The following SPAG16 variants were observed in gnomAD, a reference collection of about 807,000 sequenced individuals.
SPAG16 encodes the protein sperm-associated antigen 16 protein.
SPAG16 carries 86 observed loss-of-function variants against 80.4 expected under a neutral mutation model. The ratio of observed to expected loss-of-function variants is 1.07; its 90% CI spans 0.90 to 1.28. The LOEUF (loss-of-function observed/expected upper bound fraction) is 1.28. Among genes scored for constraint, SPAG16 ranks in the 50% most tolerant of loss-of-function variants. The pLI, the probability that SPAG16 is intolerant of heterozygous loss-of-function variation, is 0.00. For missense variants in SPAG16, 870 were observed against 765.3 expected (o/e 1.14, Z -1.61); for synonymous variants, 294 against 265.9 (o/e 1.11, Z -1.03).
chr2:213,402,647 A>T (rs150773607), intron 9 of SPAG16, among the ~76,000 whole-genome samples: 1 of 149,488 alleles, frequency 6.7e-6, no homozygotes, highest in Non-Finnish European at 1.5e-5. Flanking sequence ...TCATTGTTCA[A>T]TTCCCACTTA....
At chr2:213,714,777 T>A (rs1165965248) in intron 10 of SPAG16, among the ~76,000 whole-genome samples, 1 of 152,198 alleles carries the variant, frequency 6.6e-6, no homozygotes, top group Admixed American at 6.5e-5. Context: ...CCAATTTTAT[T>A]GGGATTTAAA....
At chr2:213,325,012 C>G (rs542637207) in intron 5 of SPAG16, among the ~76,000 whole-genome samples, 1 of 151,662 alleles carries the variant, frequency 6.6e-6, no homozygotes, top group Non-Finnish European at 1.5e-5. Context: ...ATTTTTTTTG[C>G]TTTTTGACCA....
At chr2:213,565,658 G>A (rs75728835) in intron 10 of SPAG16, among the ~76,000 whole-genome samples, 9,941 of 152,186 alleles carry the variant, frequency 0.065, 1,071 homozygotes, top group African/African-American at 0.22. Flanking sequence ...GTCAGGAAGC[G>A]AAACTTAGAA....
chr2:213,411,502 A>T (rs1049099159), intron 9 of SPAG16, among the ~76,000 whole-genome samples: 2 of 152,240 alleles, frequency 1.3e-5, no homozygotes, highest in African/African-American at 4.8e-5. Flanking sequence ...ACATGATATT[A>T]GCAGAAAGAG....
chr2:213,731,460 GT>G (rs986357991), intron 10 of SPAG16, among the ~76,000 whole-genome samples: 33 of 24,516 alleles, frequency 1.3e-3, no homozygotes, highest in African/African-American at 1.7e-3. Context: ...ATGTCCAGCT[GT>G]TTTTTTTTTT....
intron 13 of SPAG16, among the ~76,000 whole-genome samples, chr2:214,023,141 G>T (rs1297341273): frequency 3.3e-5 from 5 of 151,732 alleles, no homozygotes; most frequent in Non-Finnish European, 7.4e-5. Flanking sequence ...GGGTATCTCT[G>T]TAGCTTGCAG....
chr2:214,019,731 T>C (rs558181672), intron 13 of SPAG16, among the ~76,000 whole-genome samples: 1 of 152,246 alleles, frequency 6.6e-6, no homozygotes, highest in Non-Finnish European at 1.5e-5. Context: ...GAATCCAGAA[T>C]GTGGAAACAA....
chr2:213,313,442 A>G (rs925881499), intron 4 of SPAG16, among the ~76,000 whole-genome samples: 41 of 151,900 alleles, frequency 2.7e-4, no homozygotes, highest in African/African-American at 9.9e-4. Flanking sequence ...AACTGTATCT[A>G]GCAGGTAGCC....
chr2:213,882,742 A>G (rs188042457), intron 11 of SPAG16, among the ~76,000 whole-genome samples: 1 of 152,214 alleles, frequency 6.6e-6, no homozygotes, highest in East Asian at 1.9e-4. Flanking sequence ...TCAAAGAACA[A>G]ACTTTTGGTT....
intron 15 of SPAG16, among the ~76,000 whole-genome samples, chr2:214,218,264 CG>C (rs1443950758): frequency 6.6e-6 from 1 of 152,088 alleles, no homozygotes; most frequent in Non-Finnish European, 1.5e-5. Flanking sequence ...GGAAAAGGGA[CG>C]GCCTCGAGGT....
chr2:214,266,630 C>G (rs539038468), intron 15 of SPAG16, among the ~76,000 whole-genome samples: 1 of 151,480 alleles, frequency 6.6e-6, no homozygotes, highest in Non-Finnish European at 1.5e-5. Context: ...GGTATCCAAA[C>G]AGAAAAGAAT....
intron 10 of SPAG16, among the ~76,000 whole-genome samples, chr2:213,730,486 T>C (rs1411382859): frequency 6.6e-6 from 1 of 152,224 alleles, no homozygotes; most frequent in African/African-American, 2.4e-5. Flanking sequence ...GATTGATAGG[T>C]TTTTCTTTCA....
chr2:213,643,830 G>A (rs1418899084), intron 10 of SPAG16, among the ~76,000 whole-genome samples: 1 of 132,252 alleles, frequency 7.6e-6, no homozygotes. Flanking sequence ...GTCAAGGCTG[G>A]AGTGCAGTGG....
At chr2:213,538,372 C>T (rs1055173218) in intron 10 of SPAG16, among the ~76,000 whole-genome samples, 2 of 151,990 alleles carry the variant, frequency 1.3e-5, no homozygotes, top group Non-Finnish European at 2.9e-5. Flanking sequence ...TTATATATGT[C>T]CTTAAGAAAT....
intron 12 of SPAG16, among the ~76,000 whole-genome samples, chr2:213,977,991 G>C (rs1252446454): frequency 1.4e-5 from 2 of 146,342 alleles, no homozygotes; most frequent in African/African-American, 2.5e-5. Flanking sequence ...ACTTTTTTTT[G>C]TTGAGAGGAT....
At chr2:213,853,846 A>G (rs1396988366) in intron 10 of SPAG16, among the ~76,000 whole-genome samples, 1 of 152,200 alleles carries the variant, frequency 6.6e-6, no homozygotes, top group African/African-American at 2.4e-5. Context: ...GATGATAGTC[A>G]TTTTATGGTT....
chr2:214,062,963 T>C (rs953726831), intron 13 of SPAG16, among the ~76,000 whole-genome samples: 3 of 152,182 alleles, frequency 2.0e-5, no homozygotes, highest in African/African-American at 7.2e-5. Flanking sequence ...CACATTAAAA[T>C]GTTGAAAATA....
intron 15 of SPAG16, among the ~76,000 whole-genome samples, chr2:214,230,243 T>C (rs1197360703): frequency 1.3e-5 from 2 of 151,954 alleles, no homozygotes; most frequent in Admixed American, 6.6e-5. Flanking sequence ...GCTAACTAAT[T>C]TCTACATTAA....
chr2:213,480,382 G>A (rs770483256), intron 9 of SPAG16, among the ~76,000 whole-genome samples: 3 of 152,224 alleles, frequency 2.0e-5, no homozygotes, highest in Non-Finnish European at 4.4e-5. Context: ...CCTTGCTACA[G>A]CAAAGTTTTG....
Sources: gnomAD v4.1 joint callset for allele counts (sites outside exome capture counted in the v4.1 genomes callset) on GRCh38, gnomAD v4.1.1 for gene constraint, MANE v1.5 for transcripts, NCBI Gene and HGNC (gene_info 2026-07-23, HGNC 2026-07-21) for gene names.